Variants in AGMO observed in about 807,000 individuals in gnomAD.
AGMO encodes alkylglycerol monooxygenase.
AGMO carries 75 observed loss-of-function variants against 60.2 expected under a neutral mutation model. The ratio of observed to expected loss-of-function variants is 1.25; its 90% CI spans 1.03 to 1.51. AGMO has a LOEUF of 1.51. AGMO is among the 40% of genes most tolerant of loss of function. The pLI, the probability that AGMO is intolerant of heterozygous loss-of-function variation, is 0.00. For missense variants in AGMO, 763 were observed against 525.5 expected, an observed-to-expected ratio of 1.45 and a Z score of -4.42; for synonymous variants, 261 against 177.1, an observed-to-expected ratio of 1.47 and a Z score of -3.76.
At chr7:15,335,207 T>C (rs1329280351) in intron 12 of AGMO, among the ~76,000 whole-genome samples, 2 of 152,194 alleles carry the variant, frequency 1.3e-5, no homozygotes, top group African/African-American at 2.4e-5. Context: ...TAGGATTAGA[T>C]TTCTTTTCTT....
intron 5 of AGMO, 22 bp from the exon 6 acceptor site, chr7:15,394,201 T>C (rs1224502952): frequency 1.3e-6 from 2 of 1,491,762 alleles, no homozygotes; most frequent in Non-Finnish European, 1.9e-6. Context: ...AGAAGGAATA[T>C]TTATACATGT....
chr7:15,373,072 T>G (rs1783282068), intron 10 of AGMO, among the ~76,000 whole-genome samples: 1 of 152,168 alleles, frequency 6.6e-6, no homozygotes, highest in African/African-American at 2.4e-5. Context: ...GAGACCAGCC[T>G]GGCCAACATG....
chr7:15,330,849 C>T (rs967980353), intron 12 of AGMO, among the ~76,000 whole-genome samples: 1 of 151,762 alleles, frequency 6.6e-6, no homozygotes, highest in Non-Finnish European at 1.5e-5. Flanking sequence ...TGTAGAAATC[C>T]GCTGACAAAC....
In AGMO at chr7:15,418,671, A is replaced by T. The variant is rs1346913940; in HGVS notation, c.514-18T>A. On this transcript the variant is annotated intron_variant, in intron 4 of 12. Transcript: ENST00000342526. ...TAGAAAATCTGAAAGAAAAAATTAA[A>T]AAAAAATTAATTTGCATATATGAAT... The T allele has an allele frequency of 6.9e-7, 1 of 1,451,560 alleles. No individual in the cohort carries two copies. The allele number at this position is 1,451,560 out of a possible 1,614,324, so 89.9% of individuals were successfully genotyped here.
Position 15,541,315 on chromosome 7 carries a change from T to G in AGMO, c.409+3457A>C, listed in dbSNP as rs533530642. Among the ~76,000 whole-genome samples, 3 of 152,098 alleles carry G rather than the reference T, an allele frequency of 2.0e-5. No homozygotes were observed. In the East Asian group the frequency reaches 5.8e-4, roughly 29 times the overall value. On this transcript the variant is annotated intron_variant, in intron 3 of 12. Coordinates refer to ENST00000342526, the MANE Select transcript of AGMO (RefSeq NM_001004320.2). ...TTTTGTATTTTTAGTAGAGACAAGG[T>G]TTCACCATGTTGGTCAGGCTGGTCT...
chr7:15,524,397 A>C (rs1469453350), intron 3 of AGMO, among the ~76,000 whole-genome samples: 1 of 152,182 alleles, frequency 6.6e-6, no homozygotes, highest in African/African-American at 2.4e-5. Context: ...TAAAATAATT[A>C]TGAAATGTTT....
chr7:15,445,889 G>T (rs1010152398), intron 3 of AGMO, among the ~76,000 whole-genome samples: 1 of 152,036 alleles, frequency 6.6e-6, no homozygotes, highest in African/African-American at 2.4e-5. Context: ...AAAGATGTGT[G>T]GTCCTACTGT....
chr7:15,182,776 G>A, the AGMO span, among the ~76,000 whole-genome samples: 1 of 152,062 alleles, frequency 6.6e-6, no homozygotes, highest in South Asian at 2.1e-4. Context: ...ACCTGAAACT[G>A]GGTAATTTAT....
intron 12 of AGMO, among the ~76,000 whole-genome samples, chr7:15,267,116 T>A (rs1228785884): frequency 6.6e-6 from 1 of 152,056 alleles, no homozygotes; most frequent in Non-Finnish European, 1.5e-5. Flanking sequence ...AGTGATAGGT[T>A]GCTTCTCATT....
intron 12 of AGMO, among the ~76,000 whole-genome samples, chr7:15,342,779 CAAAAAAAAAAAAA>C (rs780336320): frequency 1.6e-5 from 1 of 61,656 alleles, no homozygotes; most frequent in Non-Finnish European, 2.7e-5. Context: ...AGTATAGCTG[CAAAAAAAAAAAAA>C]AAAAAAAAAA....
chr7:15,349,112 G>C (rs1459320297), intron 12 of AGMO, among the ~76,000 whole-genome samples: 1 of 152,040 alleles, frequency 6.6e-6, no homozygotes, highest in African/African-American at 2.4e-5. Flanking sequence ...CTTTACTAGA[G>C]GCACATGGAC....
intron 2 of AGMO, among the ~76,000 whole-genome samples, chr7:15,552,801 C>G (rs890898541): frequency 7.4e-5 from 11 of 149,636 alleles, no homozygotes; most frequent in African/African-American, 2.0e-4. Context: ...TACCATTTGA[C>G]CCAGCCATCC....
intron 3 of AGMO, among the ~76,000 whole-genome samples, chr7:15,531,358 CTA>C (rs1238170783): frequency 0.053 from 733 of 13,898 alleles, 14 homozygotes; most frequent in African/African-American, 0.069. Context: ...TATATATATT[CTA>C]TATATATATT....
chr7:15,132,976 A>G, the AGMO span, among the ~76,000 whole-genome samples: 1 of 152,146 alleles, frequency 6.6e-6, no homozygotes, highest in Non-Finnish European at 1.5e-5. Flanking sequence ...CACGGTTATA[A>G]TGGTCAACCT....
At chr7:15,406,175 C>T (rs12531472) in intron 5 of AGMO, among the ~76,000 whole-genome samples, 12 of 150,312 alleles carry the variant, frequency 8.0e-5, no homozygotes, top group Admixed American at 4.7e-4. Flanking sequence ...AAATTGTTAG[C>T]GACAAGGGTG....
chr7:15,509,710 C>A (rs1251072471), intron 3 of AGMO, among the ~76,000 whole-genome samples: 10 of 152,048 alleles, frequency 6.6e-5, no homozygotes, highest in Admixed American at 6.6e-4. Context: ...AACTACTCAT[C>A]AGTAAAAAAA....
chr7:15,401,967 A>C (rs1244712468), intron 5 of AGMO, among the ~76,000 whole-genome samples: 5 of 152,054 alleles, frequency 3.3e-5, no homozygotes, highest in Admixed American at 3.3e-4. Context: ...GTCATGCATG[A>C]ATGATGTTCC....
At chr7:15,249,135 A>G (rs1254361707) in intron 12 of AGMO, among the ~76,000 whole-genome samples, 1 of 152,222 alleles carries the variant, frequency 6.6e-6, no homozygotes, top group African/African-American at 2.4e-5. Context: ...TATTTTTTCA[A>G]GAAATAGTAT....
At chr7:15,240,929 TA>T (rs769899946) in intron 12 of AGMO, among the ~76,000 whole-genome samples, 2 of 152,206 alleles carry the variant, frequency 1.3e-5, no homozygotes, top group Non-Finnish European at 2.9e-5. Context: ...ACAGGAATTG[TA>T]AATAGTGAAA....
Sources: gnomAD v4.1 joint callset for allele counts (sites outside exome capture counted in the v4.1 genomes callset) on GRCh38, gnomAD v4.1.1 for gene constraint, MANE v1.5 for transcripts, NCBI Gene and HGNC (gene_info 2026-07-23, HGNC 2026-07-21) for gene names.